The following MYO1D variants were observed in gnomAD, a reference collection of about 807,000 sequenced individuals.
The protein encoded by MYO1D is myosin ID.
In MYO1D, 83 loss-of-function variants were observed where a neutral mutation model predicts 122.0. That is an observed-to-expected ratio of 0.68 (90% confidence interval 0.57 to 0.82). The LOEUF is 0.82. MYO1D is among the 40% of genes least tolerant of loss of function. The pLI, the probability that MYO1D is intolerant of heterozygous loss-of-function variation, is 0.00. For synonymous variants in MYO1D, 464 were observed against 446.9 expected, an observed-to-expected ratio of 1.04 and a Z score of -0.48; for missense variants, 1,157 against 1,269.5, an observed-to-expected ratio of 0.91 and a Z score of 1.35.
chr17:32,550,489 G>A (rs2087003263), intron 21 of MYO1D, among the ~76,000 whole-genome samples: 1 of 151,998 alleles, frequency 6.6e-6, no homozygotes, highest in African/African-American at 2.4e-5. Context: ...CTAACCTGTT[G>A]CAAAGATTAA....
In MYO1D at chr17:32,613,036, G is replaced by T. The variant is rs112423596; in HGVS notation, c.2710-7795C>A. On this transcript the variant is annotated intron_variant, in intron 20 of 21. Transcript: ENST00000318217. Reference sequence around the variant, plus strand: ...TCCCACCTTGGCCTCCCAAAGTGCTGGGATTACAGGTGTAAGCCACTGCAC... The same window carrying T: ...TCCCACCTTGGCCTCCCAAAGTGCTTGGATTACAGGTGTAAGCCACTGCAC... Among the ~76,000 whole-genome samples the T allele has an allele frequency of 4.6e-3, 694 of 152,090 alleles. 3 individuals carry two copies. The highest frequency in any genetic ancestry group is 0.015 in the African/African-American group (632 of 41,486).
At chr17:32,859,689 G>C (rs1046396366) in intron 1 of MYO1D, among the ~76,000 whole-genome samples, 1 of 152,218 alleles carries the variant, frequency 6.6e-6, no homozygotes, top group Non-Finnish European at 1.5e-5. Context: ...TTCATGTCCT[G>C]TCTTGTTCCT....
chr17:32,691,404 CTTT>C (rs57902806), intron 16 of MYO1D, among the ~76,000 whole-genome samples: 8 of 110,424 alleles, frequency 7.2e-5, no homozygotes, highest in Admixed American at 2.0e-4. Flanking sequence ...AAAGAAAATT[CTTT>C]TTTTTTTTTT....
chr17:32,852,231 T>G (rs1305361058), intron 1 of MYO1D, among the ~76,000 whole-genome samples: 1 of 152,166 alleles, frequency 6.6e-6, no homozygotes, highest in Non-Finnish European at 1.5e-5. Context: ...GTTCCAGAGA[T>G]TCTCTCACCT....
Position 32,764,906 on chromosome 17 carries a change from G to C in MYO1D, c.1007C>G (p.Ala336Gly), listed in dbSNP as rs755699506. The C allele has an allele frequency of 2.5e-6, 4 of 1,614,194 alleles. No individual in the cohort carries two copies. The highest frequency in any genetic ancestry group is 3.4e-6 in the Non-Finnish European group (4 of 1,180,034). The change falls in exon 8 of 22, where the codon GCC becomes GGC. Residue 336 changes from alanine (A) to glycine (G), a missense_variant. Coordinates refer to ENST00000318217, the MANE Select transcript of MYO1D (RefSeq NM_015194.3). Reference protein sequence around the residue: ...IIDKQHTEQEASYGRDAFAKA... With the variant: ...IIDKQHTEQEGSYGRDAFAKA... ...GGCAAAGGCGTCTCTGCCGTAGCTG[G>C]CCTCTTGTTCTGTGTGCTGCTTGTC...
At chr17:32,532,353 G>C (rs1472326401) in intron 21 of MYO1D, among the ~76,000 whole-genome samples, 1 of 152,196 alleles carries the variant, frequency 6.6e-6, no homozygotes, top group Non-Finnish European at 1.5e-5. Flanking sequence ...ATTCTTTGTA[G>C]CAGAATAAAC....
rs185041267 is a variant in MYO1D at position 32,660,547 on chromosome 17, T to C, written c.2122-1209A>G. Among the ~76,000 whole-genome samples the C allele has an allele frequency of 9.2e-5, 14 of 152,352 alleles. No homozygotes were observed. In the East Asian group the frequency reaches 2.7e-3, roughly 29 times the overall value. On this transcript the variant is annotated intron_variant, in intron 16 of 21. Transcript: ENST00000318217. ...GCAGTGTTCTCCCTTTTCAGCCTGCTGCACGATACAGATTTGTTTGCACAC... is the reference window on the plus strand; with the variant it reads ...GCAGTGTTCTCCCTTTTCAGCCTGCCGCACGATACAGATTTGTTTGCACAC...
At chr17:32,522,968 C>T in intron 21 of MYO1D, among the ~76,000 whole-genome samples, 1 of 152,190 alleles carries the variant, frequency 6.6e-6, no homozygotes, top group Non-Finnish European at 1.5e-5. Flanking sequence ...AGGTGCCTGC[C>T]ACCATGCCCG....
chr17:32,771,751 A>G (rs2090115025), intron 5 of MYO1D, among the ~76,000 whole-genome samples: 1 of 152,244 alleles, frequency 6.6e-6, no homozygotes, highest in Non-Finnish European at 1.5e-5. Context: ...GATAAATTTT[A>G]ATACTTTCAC....
intron 1 of MYO1D, among the ~76,000 whole-genome samples, chr17:32,858,423 G>A (rs889559063): frequency 7.9e-5 from 12 of 152,082 alleles, no homozygotes; most frequent in African/African-American, 2.4e-4. Flanking sequence ...TGTTATTCTC[G>A]TTGCTTCTAG....
chr17:32,512,308 A>C (rs1909724670), intron 21 of MYO1D, among the ~76,000 whole-genome samples: 1 of 152,098 alleles, frequency 6.6e-6, no homozygotes, highest in Admixed American at 6.6e-5. Flanking sequence ...TCTCATAAAA[A>C]AAAAAAAAAG....
intron 20 of MYO1D, among the ~76,000 whole-genome samples, chr17:32,631,734 A>T (rs977657387): frequency 2.6e-5 from 4 of 152,162 alleles, no homozygotes; most frequent in Non-Finnish European, 4.4e-5. Context: ...TTAATATTTT[A>T]GATATGAAAA....
intron 20 of MYO1D, among the ~76,000 whole-genome samples, chr17:32,621,118 G>A (rs139778765): frequency 6.6e-6 from 1 of 152,220 alleles, no homozygotes; most frequent in East Asian, 1.9e-4. Context: ...AATAAGCTGT[G>A]CTGTGTGCCT....
At chr17:32,548,140 C>A (rs1442899662) in intron 21 of MYO1D, among the ~76,000 whole-genome samples, 1 of 151,960 alleles carries the variant, frequency 6.6e-6, no homozygotes, top group Admixed American at 6.6e-5. Flanking sequence ...GTCCTCTAGG[C>A]AGGGCATGGT....
chr17:32,819,615 A>G (rs2090643229), intron 1 of MYO1D, among the ~76,000 whole-genome samples: 1 of 152,136 alleles, frequency 6.6e-6, no homozygotes, highest in Non-Finnish European at 1.5e-5. Context: ...AATGACCCCA[A>G]AAAGGAATAA....
chr17:32,862,334 G>A (rs1005454739), intron 1 of MYO1D, among the ~76,000 whole-genome samples: 1 of 152,180 alleles, frequency 6.6e-6, no homozygotes, highest in African/African-American at 2.4e-5. Context: ...AACAAGAACC[G>A]TGTCTATCTG....
chr17:32,846,941 C>A (rs925292662), intron 1 of MYO1D, among the ~76,000 whole-genome samples: 3 of 152,152 alleles, frequency 2.0e-5, no homozygotes, highest in African/African-American at 7.2e-5. Context: ...AAGCTATGAT[C>A]ACACCACTGA....
At chr17:32,715,614 T>C (rs913901629) in intron 15 of MYO1D, among the ~76,000 whole-genome samples, 3 of 152,020 alleles carry the variant, frequency 2.0e-5, no homozygotes, top group Non-Finnish European at 4.4e-5. Flanking sequence ...CCTCATCTAG[T>C]CCACTTACTT....
At chr17:32,821,929 C>A (rs185556790) in intron 1 of MYO1D, among the ~76,000 whole-genome samples, 3 of 152,156 alleles carry the variant, frequency 2.0e-5, no homozygotes, top group Admixed American at 6.5e-5. Context: ...GTTGATGGGA[C>A]TGTAAACTAG....
Sources: gnomAD v4.1 joint callset for allele counts (sites outside exome capture counted in the v4.1 genomes callset) on GRCh38, gnomAD v4.1.1 for gene constraint, MANE v1.5 for transcripts, NCBI Gene and HGNC (gene_info 2026-07-23, HGNC 2026-07-21) for gene names.